TOX: variants seen among roughly 807,000 people sequenced by gnomAD.
The protein encoded by TOX is thymocyte selection associated high mobility group box.
A neutral mutation model predicts 53.7 loss-of-function variants in TOX; 11 were observed. The ratio of observed to expected loss-of-function variants is 0.20; its 90% CI spans 0.13 to 0.34. The LOEUF (loss-of-function observed/expected upper bound fraction) is 0.34, where lower values mean the gene tolerates loss of function less well. TOX is among the 10% of genes least tolerant of loss of function. TOX has a pLI of 1.00. For missense variants in TOX, 570 were observed against 664.6 expected, an observed-to-expected ratio of 0.86 and a Z score of 1.56; for synonymous variants, 225 against 245.3, an observed-to-expected ratio of 0.92 and a Z score of 0.77.
intron 1 of TOX, among the ~76,000 whole-genome samples, chr8:58,990,699 G>T (rs751625155): frequency 2.0e-5 from 3 of 152,170 alleles, no homozygotes; most frequent in Non-Finnish European, 4.4e-5. Context: ...AGGTCTGCAG[G>T]TTTGCATGCA....
rs1052774516 is a variant in TOX at position 58,963,772 on chromosome 8, T to G, written c.103-3764A>C. ...CCCTCTGTTTCAGGGCAGGTTTTGT[T>G]GGGGGATTGATTCCACTAGACTGGG... is the stretch of plus-strand genomic sequence containing the variant. On this transcript the variant is annotated intron_variant, in intron 1 of 8. Coordinates refer to ENST00000361421, the MANE Select transcript of TOX (RefSeq NM_014729.3). Among the ~76,000 whole-genome samples, 3 of 152,288 alleles carry G rather than the reference T, an allele frequency of 2.0e-5. No homozygotes were observed. In the South Asian group the frequency reaches 6.2e-4, roughly 32 times the overall value.
At chr8:59,013,598 A>T (rs1042397478) in intron 1 of TOX, among the ~76,000 whole-genome samples, 1 of 152,096 alleles carries the variant, frequency 6.6e-6, no homozygotes, top group Admixed American at 6.5e-5. Flanking sequence ...TTTAGTAGAG[A>T]CAGGGTTGCA....
chr8:59,010,544 T>C (rs1424022445), intron 1 of TOX, among the ~76,000 whole-genome samples: 1 of 152,194 alleles, frequency 6.6e-6, no homozygotes, highest in Non-Finnish European at 1.5e-5. Flanking sequence ...TCCAGTGCAA[T>C]GGGTTTTGAC....
At chr8:58,835,991 G>A (rs1326576524) in intron 5 of TOX, among the ~76,000 whole-genome samples, 3 of 152,170 alleles carry the variant, frequency 2.0e-5, no homozygotes, top group African/African-American at 7.2e-5. Context: ...AAGAATTGCT[G>A]TACCCAATCC....
In TOX at chr8:59,091,013, A is replaced by G. The variant is rs1428889407; in HGVS notation, c.102+27873T>C. On this transcript the variant is annotated intron_variant, in intron 1 of 8. Coordinates refer to ENST00000361421, the MANE Select transcript of TOX (RefSeq NM_014729.3). ...AGGTTTTCCCATGTGCTCCTTCTCC[A>G]GCGGCGTTGTCCTCTCACATATAAA... 3.3e-5 allele frequency among the ~76,000 whole-genome samples: 5 copies of G among 152,222 alleles called. No homozygotes were observed. The South Asian group carries it at 1.0e-3, about 32-fold the overall frequency.
intron 3 of TOX, among the ~76,000 whole-genome samples, chr8:58,853,621 T>C (rs1450875466): frequency 6.6e-6 from 1 of 152,210 alleles, no homozygotes; most frequent in Non-Finnish European, 1.5e-5. Context: ...AAGCAGCTGA[T>C]TCAACATTTT....
At chr8:59,034,818 T>C (rs1023180852) in intron 1 of TOX, among the ~76,000 whole-genome samples, 2 of 152,196 alleles carry the variant, frequency 1.3e-5, no homozygotes, top group Admixed American at 6.5e-5. Flanking sequence ...CAGGTGCCAT[T>C]CAAAGGCCTT....
chr8:59,062,987 G>C (rs1299352675), intron 1 of TOX, among the ~76,000 whole-genome samples: 2 of 152,020 alleles, frequency 1.3e-5, no homozygotes, highest in African/African-American at 2.4e-5. Flanking sequence ...GAAGAAAAAA[G>C]TTTATACATT....
chr8:58,889,844 T>C (rs1191348838), intron 3 of TOX, among the ~76,000 whole-genome samples: 1 of 152,132 alleles, frequency 6.6e-6, no homozygotes, highest in East Asian at 1.9e-4. Flanking sequence ...AAGTGCATTA[T>C]TAGTTGCCAA....
chr8:58,903,691 A>C (rs908674342), intron 3 of TOX, among the ~76,000 whole-genome samples: 2 of 152,188 alleles, frequency 1.3e-5, no homozygotes, highest in Non-Finnish European at 2.9e-5. Flanking sequence ...TAAATATAGA[A>C]TTTTTGAACA....
At position 58,908,612 on chromosome 8, in the gene TOX, C is replaced by T. The variant is rs111487611; in HGVS notation, c.411+30690G>A. Among the ~76,000 whole-genome samples the T allele has an allele frequency of 6.3e-3, 962 of 152,288 alleles. 13 individuals carry two copies. Among genetic ancestry groups the T allele is most frequent in the African/African-American group, 0.022 (922 of 41,550 alleles). On this transcript the variant is annotated intron_variant, in intron 3 of 8. Coordinates refer to ENST00000361421, the MANE Select transcript of TOX (RefSeq NM_014729.3). ...TTCTTAAGCAATTTGTTTATCCCTC[C>T]TCCAAAGCAATGATCATAACATGTT...
intron 1 of TOX, among the ~76,000 whole-genome samples, chr8:59,011,731 A>G (rs571618462): frequency 6.6e-6 from 1 of 152,262 alleles, no homozygotes; most frequent in Admixed American, 6.5e-5. Flanking sequence ...TAATAATAAT[A>G]ATAACCACCT....
At chr8:59,079,432 T>A (rs1804356950) in intron 1 of TOX, among the ~76,000 whole-genome samples, 1 of 152,090 alleles carries the variant, frequency 6.6e-6, no homozygotes. Context: ...CTGCTGGCCT[T>A]TAACGCCTTG....
intron 3 of TOX, among the ~76,000 whole-genome samples, chr8:58,901,227 A>C (rs1811730025): frequency 6.6e-6 from 1 of 152,168 alleles, no homozygotes; most frequent in Admixed American, 6.6e-5. Context: ...AACTCAAATA[A>C]TTTTCTAATA....
intron 3 of TOX, among the ~76,000 whole-genome samples, chr8:58,893,631 C>T (rs933643792): frequency 2.6e-5 from 4 of 152,182 alleles, no homozygotes; most frequent in African/African-American, 7.2e-5. Context: ...CACCTCTTCT[C>T]GCATGTGGAG....
intron 3 of TOX, among the ~76,000 whole-genome samples, chr8:58,881,354 T>C (rs1205554252): frequency 6.6e-6 from 1 of 151,966 alleles, no homozygotes; most frequent in Admixed American, 6.6e-5. Flanking sequence ...TGGATTTTTC[T>C]CATTTTTGTG....
intron 2 of TOX, among the ~76,000 whole-genome samples, chr8:58,947,910 G>T (rs1451547611): frequency 6.6e-6 from 1 of 152,216 alleles, no homozygotes; most frequent in Non-Finnish European, 1.5e-5. Flanking sequence ...TAGCATGCAG[G>T]TTCAACAGCA....
chr8:59,081,964 T>C (rs916108323), intron 1 of TOX, among the ~76,000 whole-genome samples: 1 of 152,216 alleles, frequency 6.6e-6, no homozygotes, highest in Non-Finnish European at 1.5e-5. Flanking sequence ...TAAGTACTTA[T>C]AAAGGGGAAA....
chr8:58,897,932 A>T (rs545194898), intron 3 of TOX, among the ~76,000 whole-genome samples: 1 of 152,280 alleles, frequency 6.6e-6, no homozygotes. Flanking sequence ...AAAAGAAAAC[A>T]TGTACCTTGA....
Sources: gnomAD v4.1 joint callset for allele counts (sites outside exome capture counted in the v4.1 genomes callset) on GRCh38, gnomAD v4.1.1 for gene constraint, MANE v1.5 for transcripts, NCBI Gene and HGNC (gene_info 2026-07-23, HGNC 2026-07-21) for gene names.